Variants in ACYP2 observed in about 807,000 individuals in gnomAD.
ACYP2 encodes acylphosphatase-2.
A neutral mutation model predicts 11.2 loss-of-function variants in ACYP2; 12 were observed. The ratio of observed to expected loss-of-function variants is 1.08; its 90% confidence interval spans 0.69 to 1.74. The LOEUF is 1.74. Ranked by LOEUF, ACYP2 falls within the 40% of genes most tolerant of loss-of-function variation. The pLI, the probability that ACYP2 is intolerant of heterozygous loss-of-function variation, is 0.00. For missense variants in ACYP2, 134 were observed against 101.9 expected, an observed-to-expected ratio of 1.31 and a Z score of -1.35; for synonymous variants, 43 against 32.2, an observed-to-expected ratio of 1.33 and a Z score of -1.13.
intron 2 of ACYP2, among the ~76,000 whole-genome samples, chr2:53,979,474 A>C (rs1335932465): frequency 6.6e-6 from 1 of 151,684 alleles, no homozygotes; most frequent in Non-Finnish European, 1.5e-5. Context: ...TAAAAATAAA[A>C]AAATTAGCCA....
At chr2:54,270,386 A>T (rs1688232986) in intron 6 of ACYP2, among the ~76,000 whole-genome samples, 1 of 152,212 alleles carries the variant, frequency 6.6e-6, no homozygotes, top group African/African-American at 2.4e-5. Context: ...GCTATGTACC[A>T]TAAGTGCTAA....
At chr2:54,171,843 C>G (rs974628321) in intron 6 of ACYP2, among the ~76,000 whole-genome samples, 57 of 152,066 alleles carry the variant, frequency 3.7e-4, no homozygotes, top group African/African-American at 1.0e-3. Context: ...GTTCTTTCTC[C>G]TCTTTAAGGG....
chr2:54,001,973 C>T (rs1672825198), intron 2 of ACYP2, among the ~76,000 whole-genome samples: 1 of 152,232 alleles, frequency 6.6e-6, no homozygotes, highest in Admixed American at 6.5e-5. Flanking sequence ...AACAGTCATA[C>T]ATTTGTTACT....
At chr2:54,301,941 C>T (rs1689742746) in intron 6 of ACYP2, among the ~76,000 whole-genome samples, 1 of 152,100 alleles carries the variant, frequency 6.6e-6, no homozygotes, top group Non-Finnish European at 1.5e-5. Flanking sequence ...TATATGGAGC[C>T]ATGACACAAA....
chr2:54,048,054 A>T (rs13426329), intron 2 of ACYP2, among the ~76,000 whole-genome samples: 1 of 152,166 alleles, frequency 6.6e-6, no homozygotes, highest in South Asian at 2.1e-4. Context: ...CTATTATTTA[A>T]GTCATTAGAA....
chr2:54,016,182 T>G (rs1344577663), intron 2 of ACYP2, among the ~76,000 whole-genome samples: 1 of 151,990 alleles, frequency 6.6e-6, no homozygotes, highest in Non-Finnish European at 1.5e-5. Flanking sequence ...CTGCTCAGTT[T>G]CCACATCTGT....
chr2:54,004,585 G>C (rs1013673979), intron 2 of ACYP2, among the ~76,000 whole-genome samples: 7 of 150,974 alleles, frequency 4.6e-5, no homozygotes, highest in African/African-American at 1.7e-4. Context: ...TAATTTTTTT[G>C]TATTTTTAGT....
intron 2 of ACYP2, among the ~76,000 whole-genome samples, chr2:54,036,940 C>T (rs1259764497): frequency 6.6e-6 from 1 of 152,030 alleles, no homozygotes; most frequent in African/African-American, 2.4e-5. Context: ...TGGTCAGGTC[C>T]CTCTCCTCTG....
chr2:54,232,795 A>T (rs1686294712), intron 6 of ACYP2, among the ~76,000 whole-genome samples: 2 of 152,034 alleles, frequency 1.3e-5, no homozygotes, highest in South Asian at 4.2e-4. Context: ...AAACCATCAG[A>T]TCTCATGAGA....
chr2:54,102,025 A>G (rs745684444), intron 4 of ACYP2, among the ~76,000 whole-genome samples: 21 of 152,202 alleles, frequency 1.4e-4, no homozygotes, highest in Non-Finnish European at 2.9e-4. Context: ...ATTCACCATT[A>G]TAGTATTATA....
intron 6 of ACYP2, among the ~76,000 whole-genome samples, chr2:54,230,975 C>T (rs1232994765): frequency 2.0e-5 from 3 of 151,408 alleles, no homozygotes; most frequent in Admixed American, 6.6e-5. Flanking sequence ...GGATTACAGG[C>T]GCCTGCCACC....
chr2:54,205,149 T>G lies in ACYP2; in HGVS notation c.404+66401T>G, dbSNP rs768046964. Among the ~76,000 whole-genome samples the G allele has an allele frequency of 2.0e-5, 3 of 152,240 alleles. No homozygotes were observed. The South Asian group carries it at 6.2e-4, about 31-fold the overall frequency. The stretch of plus-strand genomic sequence containing the variant: ...AAGTCCCTTAAATGTCTACAAAGTT[T>G]CTTTGCTTTGTTAGGTCAGGGAGTA... On this transcript the variant is annotated intron_variant, in intron 6 of 6. Transcript: ENST00000607452.
At chr2:54,049,507 A>G (rs925254168) in intron 2 of ACYP2, among the ~76,000 whole-genome samples, 1 of 152,050 alleles carries the variant, frequency 6.6e-6, no homozygotes, top group East Asian at 1.9e-4. Flanking sequence ...CTCCCTTTTA[A>G]CTTTACATTC....
At chr2:54,244,724 CTTG>C (rs1686875926) in intron 6 of ACYP2, among the ~76,000 whole-genome samples, 1 of 151,806 alleles carries the variant, frequency 6.6e-6, no homozygotes, top group Non-Finnish European at 1.5e-5. Flanking sequence ...CTTTGAAATC[CTTG>C]TTTTATTTTT....
intron 6 of ACYP2, among the ~76,000 whole-genome samples, chr2:54,288,526 G>A (rs1383422545): frequency 6.6e-6 from 1 of 152,040 alleles, no homozygotes; most frequent in Non-Finnish European, 1.5e-5. Flanking sequence ...TAGTGCATTA[G>A]TGCATTTCCC....
intron 6 of ACYP2, among the ~76,000 whole-genome samples, chr2:54,287,771 C>T (rs1689140780): frequency 6.6e-6 from 1 of 152,006 alleles, no homozygotes; most frequent in Non-Finnish European, 1.5e-5. Flanking sequence ...TTATTCCAGT[C>T]CTCAGCCTCA....
chr2:54,254,594 G>C (rs1032432064), intron 6 of ACYP2: 3 of 257,436 alleles, frequency 1.2e-5, no homozygotes, highest in African/African-American at 6.7e-5. Flanking sequence ...GGAGGAGCCA[G>C]ACCAGAGGTC....
intron 2 of ACYP2, among the ~76,000 whole-genome samples, chr2:54,012,829 C>T (rs182384517): frequency 9.9e-5 from 15 of 152,110 alleles, no homozygotes; most frequent in Admixed American, 3.3e-4. Flanking sequence ...TCACTCTTGG[C>T]GCTGGAGTGG....
At chr2:54,096,726 G>A (rs13429674) in intron 4 of ACYP2, among the ~76,000 whole-genome samples, 6,588 of 152,270 alleles carry the variant, frequency 0.043, 506 homozygotes, top group African/African-American at 0.15. Flanking sequence ...ACAGGCACTC[G>A]GCAGGCTGAG....
Sources: gnomAD v4.1 joint callset for allele counts (sites outside exome capture counted in the v4.1 genomes callset) on GRCh38, gnomAD v4.1.1 for gene constraint, MANE v1.5 for transcripts, NCBI Gene and HGNC (gene_info 2026-07-23, HGNC 2026-07-21) for gene names.